The following MVB12B variants were observed in gnomAD, a reference collection of about 807,000 sequenced individuals.
MVB12B encodes the protein ESCRT-I complex subunit MVB12B.
In MVB12B, 16 loss-of-function variants were observed where a neutral mutation model predicts 41.6. That is an observed-to-expected ratio of 0.38 (90% CI 0.26 to 0.58). MVB12B has a LOEUF of 0.58. Ranked by LOEUF, MVB12B falls within the 20% of genes least tolerant of loss-of-function variation. MVB12B has a pLI of 0.62. For synonymous variants in MVB12B, 133 were observed against 139.7 expected (o/e 0.95, Z 0.34); for missense variants, 274 against 380.2 (o/e 0.72, Z 2.32).
intron 2 of MVB12B, among the ~76,000 whole-genome samples, chr9:126,351,857 G>A (rs1368796964): frequency 6.6e-6 from 1 of 152,124 alleles, no homozygotes; most frequent in African/African-American, 2.4e-5. Context: ...CAAGTTGAGG[G>A]AGTTCCTTTC....
intron 7 of MVB12B, chr9:126,481,131 A>G (rs1231372373): frequency 7.3e-6 from 4 of 550,090 alleles, no homozygotes; most frequent in Non-Finnish European, 1.3e-5. Context: ...GCTCTTGTCT[A>G]CACAACTGCC....
chr9:126,383,837 A>G (rs1237354416), intron 3 of MVB12B, among the ~76,000 whole-genome samples: 3 of 151,896 alleles, frequency 2.0e-5, no homozygotes, highest in Admixed American at 2.0e-4. Context: ...TTTTGTATGC[A>G]TGCAAGGGTT....
chr9:126,381,552 T>C (rs1830636125), intron 3 of MVB12B, among the ~76,000 whole-genome samples: 1 of 152,190 alleles, frequency 6.6e-6, no homozygotes, highest in Admixed American at 6.5e-5. Context: ...AGGGCCCCTG[T>C]GACCCCACCC....
Position 126,473,223 on chromosome 9 carries a change from A to G in MVB12B, c.758-8146A>G, listed in dbSNP as rs953043566. On this transcript the variant is annotated intron_variant, in intron 7 of 9. Coordinates refer to ENST00000361171, the MANE Select transcript of MVB12B (RefSeq NM_033446.3). This position sits in a 1 kb window ranked among gnomAD's most constrained non-coding sequence, Gnocchi z 4.0. ...AGAGAGGTGGGGTGGCCTGTGCAAC[A>G]GCTGCACATCTGCACCTGCTGAGCT... is the stretch of plus-strand genomic sequence containing the variant. Among the ~76,000 whole-genome samples, 2 of 152,178 alleles carry G rather than the reference A, an allele frequency of 1.3e-5. No homozygotes were observed. The highest frequency in any genetic ancestry group is 4.8e-5 in the African/African-American group (2 of 41,442).
At chr9:126,478,000 A>G (rs538363231) in intron 7 of MVB12B, among the ~76,000 whole-genome samples, 1 of 152,332 alleles carries the variant, frequency 6.6e-6, no homozygotes, top group African/African-American at 2.4e-5. Flanking sequence ...AGAAAGAAAC[A>G]CACGCTCCTT....
chr9:126,404,664 GA>G (rs1477759182), intron 6 of MVB12B, among the ~76,000 whole-genome samples: 1 of 150,146 alleles, frequency 6.7e-6, no homozygotes, highest in Non-Finnish European at 1.5e-5. Context: ...GGAGACGTGT[GA>G]ACTTTGGCCG....
intron 6 of MVB12B, among the ~76,000 whole-genome samples, chr9:126,404,667 C>A (rs2119034365): frequency 6.7e-6 from 1 of 149,900 alleles, no homozygotes; most frequent in South Asian, 2.1e-4. Flanking sequence ...GACGTGTGAA[C>A]TTTGGCCGGT....
chr9:126,370,443 C>T (rs1035927162), intron 2 of MVB12B, among the ~76,000 whole-genome samples: 2 of 148,734 alleles, frequency 1.3e-5, no homozygotes, highest in South Asian at 2.1e-4. Context: ...AGTGCAGTGG[C>T]GCCATCTCAG....
intron 6 of MVB12B, among the ~76,000 whole-genome samples, chr9:126,420,256 T>G (rs985263693): frequency 2.0e-5 from 3 of 150,002 alleles, no homozygotes; most frequent in Non-Finnish European, 4.5e-5. Context: ...CTCTGTACCC[T>G]TAGTTAGCAG....
intron 1 of MVB12B, among the ~76,000 whole-genome samples, chr9:126,334,542 G>A (rs75061600): frequency 3.9e-5 from 6 of 152,312 alleles, no homozygotes; most frequent in South Asian, 4.1e-4. Flanking sequence ...TATGAGCACC[G>A]TGCCCATCAG....
intron 1 of MVB12B, among the ~76,000 whole-genome samples, chr9:126,332,286 G>A (rs986421230): frequency 2.0e-5 from 3 of 152,132 alleles, no homozygotes; most frequent in Non-Finnish European, 4.4e-5. Context: ...CCCACAGCCT[G>A]TGAGTTCCAT....
chr9:126,358,350 G>A (rs1452117819), intron 2 of MVB12B, among the ~76,000 whole-genome samples: 3 of 150,812 alleles, frequency 2.0e-5, no homozygotes, highest in African/African-American at 7.3e-5. Flanking sequence ...AAAAAAAAAA[G>A]CCTTCTGGGA....
intron 3 of MVB12B, among the ~76,000 whole-genome samples, chr9:126,384,968 C>T (rs1049522062): frequency 6.6e-6 from 1 of 151,254 alleles, no homozygotes; most frequent in Admixed American, 6.6e-5. Flanking sequence ...TCCTGAGTAG[C>T]TGGGACTACA....
At chr9:126,443,781 T>C (rs879705921) in intron 7 of MVB12B, among the ~76,000 whole-genome samples, 2 of 152,260 alleles carry the variant, frequency 1.3e-5, no homozygotes, top group Non-Finnish European at 2.9e-5. Context: ...CAGTGACTTT[T>C]GACCAATGTC....
chr9:126,375,307 G>A (rs150670113), intron 2 of MVB12B, among the ~76,000 whole-genome samples: 17 of 145,920 alleles, frequency 1.2e-4, no homozygotes, highest in African/African-American at 4.1e-4. Flanking sequence ...TTGTCCGGGT[G>A]CCTATTGATT....
intron 7 of MVB12B, among the ~76,000 whole-genome samples, chr9:126,454,135 CT>C (rs1260821897): frequency 1.3e-5 from 2 of 152,206 alleles, no homozygotes; most frequent in Non-Finnish European, 2.9e-5. Flanking sequence ...AGGCTTTCTT[CT>C]TTTATTTTCA....
intron 9 of MVB12B, among the ~76,000 whole-genome samples, chr9:126,485,676 A>C (rs924277018): frequency 1.8e-4 from 27 of 151,854 alleles, no homozygotes; most frequent in Admixed American, 1.6e-3. Flanking sequence ...ACTGTGCTTC[A>C]TGAGGTCAGG....
At chr9:126,413,369 G>A (rs966792345) in intron 6 of MVB12B, among the ~76,000 whole-genome samples, 10 of 152,094 alleles carry the variant, frequency 6.6e-5, no homozygotes, top group Admixed American at 2.0e-4. Flanking sequence ...TCAGCAACTC[G>A]CCGTAGGATT....
chr9:126,483,620 T>G (rs1833572482), intron 8 of MVB12B, among the ~76,000 whole-genome samples: 1 of 152,114 alleles, frequency 6.6e-6, no homozygotes, highest in African/African-American at 2.4e-5. Context: ...AGAGCAAACC[T>G]TGCCTGCGTG....
Sources: allele counts gnomAD v4.1 joint callset (sites outside exome capture counted in the v4.1 genomes callset), GRCh38; gene constraint gnomAD v4.1.1; non-coding constraint Gnocchi (gnomAD v3.1); transcripts MANE v1.5; gene names NCBI Gene and HGNC (gene_info 2026-07-23, HGNC 2026-07-21).